The following SEL1L3 variants were observed in gnomAD, a reference collection of about 807,000 sequenced individuals.
SEL1L3 encodes protein sel-1 homolog 3.
Under a neutral mutation model 142.8 loss-of-function variants are expected in SEL1L3, and 76 were observed. That is an observed-to-expected ratio of 0.53 (90% CI 0.44 to 0.64). SEL1L3 has a LOEUF of 0.64. SEL1L3 is among the 30% of genes least tolerant of loss of function. The pLI, the probability that SEL1L3 is intolerant of heterozygous loss-of-function variation, is 0.00. For missense variants in SEL1L3, 1,262 were observed against 1,381.7 expected (o/e 0.91, Z 1.37); for synonymous variants, 504 against 519.6 (o/e 0.97, Z 0.41).
the SEL1L3 span, among the ~76,000 whole-genome samples, chr4:25,727,027 G>A: frequency 6.6e-6 from 1 of 151,348 alleles, no homozygotes; most frequent in Non-Finnish European, 1.5e-5. Context: ...GTGTCTCTCT[G>A]TGTGTCCAAA....
chr4:25,830,174 C>T lies in SEL1L3; in HGVS notation c.1099-18G>A, dbSNP rs754027196. On this transcript the variant is annotated intron_variant, in intron 5 of 23. Transcript: ENST00000399878. ...ACTACTATCTATGATGGGAGGGATA[C>T]ACAAGAATCAGTTATGCCTCATCAC... is the stretch of plus-strand genomic sequence containing the variant. 3.9e-6 allele frequency: 6 copies of T among 1,547,736 alleles called. No homozygotes were observed.
chr4:25,749,887 T>C (rs974730774), intron 23 of SEL1L3, among the ~76,000 whole-genome samples: 7 of 152,162 alleles, frequency 4.6e-5, no homozygotes, highest in African/African-American at 1.7e-4. Context: ...TTTCGCGACA[T>C]GTGAAAAATA....
chr4:25,861,389 G>C (rs1431734299), intron 1 of SEL1L3, among the ~76,000 whole-genome samples: 2 of 152,208 alleles, frequency 1.3e-5, no homozygotes, highest in Non-Finnish European at 2.9e-5. Context: ...AGCACGGATT[G>C]CTCAACAGGT....
intron 13 of SEL1L3, among the ~76,000 whole-genome samples, chr4:25,784,785 G>A (rs943344198): frequency 6.6e-6 from 1 of 152,236 alleles, no homozygotes; most frequent in Non-Finnish European, 1.5e-5. Context: ...GAAGATAGAA[G>A]GCAGCAGAAT....
At chr4:25,760,816 C>T (rs1038292502) in intron 20 of SEL1L3, among the ~76,000 whole-genome samples, 2 of 152,172 alleles carry the variant, frequency 1.3e-5, no homozygotes, top group Admixed American at 6.5e-5. Flanking sequence ...ATATGCGAGG[C>T]ATTGTTCTGC....
chr4:25,778,525 T>G (rs6853739), intron 16 of SEL1L3, among the ~76,000 whole-genome samples: 3 of 152,008 alleles, frequency 2.0e-5, no homozygotes. Flanking sequence ...TACTACATGG[T>G]TCAGTTAGAA....
chr4:25,737,105 C>T, the SEL1L3 span, among the ~76,000 whole-genome samples: 9 of 152,104 alleles, frequency 5.9e-5, no homozygotes, highest in African/African-American at 2.2e-4. Context: ...CCACCTCAGC[C>T]TCCCAAGTAG....
chr4:25,822,397 G>T (rs1175045505), intron 6 of SEL1L3, among the ~76,000 whole-genome samples: 1 of 152,154 alleles, frequency 6.6e-6, no homozygotes, highest in East Asian at 1.9e-4. Context: ...TCCACTTACT[G>T]GATGGTTAAG....
At chr4:25,726,544 A>AC in the SEL1L3 span, among the ~76,000 whole-genome samples, 1 of 139,982 alleles carries the variant, frequency 7.1e-6, no homozygotes, top group African/African-American at 2.7e-5. Context: ...AAAAAAAAAA[A>AC]ACCCAAAAAA....
chr4:25,819,011 A>G (rs1419356416), intron 8 of SEL1L3, among the ~76,000 whole-genome samples: 4 of 152,248 alleles, frequency 2.6e-5, no homozygotes, highest in African/African-American at 9.6e-5. Flanking sequence ...AGATAGAGAC[A>G]TATGGGCAGG....
chr4:25,717,353 T>C, the SEL1L3 span, among the ~76,000 whole-genome samples: 1 of 152,136 alleles, frequency 6.6e-6, no homozygotes, highest in Non-Finnish European at 1.5e-5. Context: ...TTTGTGGCTA[T>C]AATATTTTGT....
At chr4:25,757,972 C>A (rs1189132479) in intron 21 of SEL1L3, 182 bp from the exon 22 acceptor site, 2 of 594,128 alleles carry the variant, frequency 3.4e-6, no homozygotes, top group Admixed American at 3.0e-5. Context: ...TTGGCCTGAT[C>A]TGAAATTCTA....
At chr4:25,838,261 A>C (rs1054662084) in intron 2 of SEL1L3, among the ~76,000 whole-genome samples, 7 of 152,218 alleles carry the variant, frequency 4.6e-5, no homozygotes, top group African/African-American at 1.7e-4. Context: ...TTAAACAAAC[A>C]AACAAACAAA....
the SEL1L3 span, among the ~76,000 whole-genome samples, chr4:25,732,848 A>T: frequency 6.6e-6 from 1 of 152,078 alleles, no homozygotes. Flanking sequence ...GGTTCAAGAA[A>T]TTCTCCTGCC....
At chr4:25,810,023 C>T (rs180774195) in intron 9 of SEL1L3, among the ~76,000 whole-genome samples, 4 of 152,332 alleles carry the variant, frequency 2.6e-5, no homozygotes, top group Admixed American at 1.3e-4. Flanking sequence ...CTCAGCACTC[C>T]GGAGCCTGGG....
intron 1 of SEL1L3, among the ~76,000 whole-genome samples, chr4:25,849,948 A>G (rs955764176): frequency 5.9e-5 from 9 of 152,196 alleles, no homozygotes; most frequent in Admixed American, 2.0e-4. Context: ...AAGGTCTGGG[A>G]TAGGCTTTAT....
rs141839300 is a variant in SEL1L3, at chr4:25,751,374, C to A, written c.3260-2810G>T. Among the ~76,000 whole-genome samples the A allele has an allele frequency of 6.0e-3, 910 of 152,146 alleles. 5 individuals carry two copies. Among genetic ancestry groups the A allele is most frequent in the African/African-American group, 0.021 (861 of 41,502 alleles). ...GACTTGGGAGAAGAAGGGCTAATGA[C>A]GCTTGGCTTTGGCAAAGATGACGGA... On this transcript the variant is annotated intron_variant, in intron 23 of 23. Coordinates refer to ENST00000399878, the MANE Select transcript of SEL1L3 (RefSeq NM_015187.5).
In SEL1L3 at chr4:25,822,108, T is replaced by A. The variant is rs560627341; in HGVS notation, c.1178A>T (p.Tyr393Phe). 6.2e-7 allele frequency: 1 copy of A among 1,613,978 alleles called. No individual in the cohort carries two copies. The highest frequency in any genetic ancestry group is 1.7e-5 in the Admixed American group (1 of 60,022). Residue 393 changes from tyrosine (Y) to phenylalanine (F), a missense_variant, in exon 7 of 24, where the codon TAT (tyrosine) becomes TTT (phenylalanine). By Grantham distance (22) the Tyr-to-Phe change is conservative. This residue lies in a region of SEL1L3 where 689 missense variants were observed against 692.8 expected (regional missense o/e 0.99). Coordinates refer to ENST00000399878, the MANE Select transcript of SEL1L3 (RefSeq NM_015187.5). ...AATGAAGTACCCAGCTGTGTCATTA[T>A]AATGGAAATCCTCCCGGAAGCTAGA... ...QTISFREDFH[Y>F]NDTAGYFIIG...
chr4:25,832,312 G>T (rs1317753702), intron 5 of SEL1L3, among the ~76,000 whole-genome samples: 2 of 152,162 alleles, frequency 1.3e-5, no homozygotes, highest in African/African-American at 4.8e-5. Context: ...AATAAGAAAA[G>T]CTGATGAGAA....
Sources: allele counts gnomAD v4.1 joint callset (sites outside exome capture counted in the v4.1 genomes callset), GRCh38; gene constraint gnomAD v4.1.1; regional missense constraint gnomAD v4.1.1; transcripts MANE v1.5; gene names NCBI Gene and HGNC (gene_info 2026-07-23, HGNC 2026-07-21).